KCNQ1: variants seen among roughly 807,000 people sequenced by gnomAD.
The protein encoded by KCNQ1 is potassium voltage-gated channel subfamily Q member 1, also known as potassium voltage-gated channel subfamily KQT member 1.
In KCNQ1, 49 loss-of-function variants were observed where a neutral mutation model predicts 72.4. That is an observed-to-expected ratio of 0.68 (90% CI 0.54 to 0.86). The LOEUF (loss-of-function observed/expected upper bound fraction) is 0.86, where lower values mean the gene tolerates loss of function less well. Ranked by LOEUF, KCNQ1 falls within the 40% of genes least tolerant of loss-of-function variation. The pLI, the probability that KCNQ1 is intolerant of heterozygous loss-of-function variation, is 0.00. For synonymous variants in KCNQ1, 450 were observed against 412.6 expected (o/e 1.09, Z -1.10); for missense variants, 790 against 945.1 (o/e 0.84, Z 2.15).
At chr11:2,588,000 T>C (rs1848618855) in intron 9 of KCNQ1, among the ~76,000 whole-genome samples, 1 of 151,964 alleles carries the variant, frequency 6.6e-6, no homozygotes, top group South Asian at 2.1e-4. Context: ...GGGTTGGGCT[T>C]TCCACACCGG....
At chr11:2,780,868 A>C (rs574299929) in intron 15 of KCNQ1, among the ~76,000 whole-genome samples, 1 of 152,230 alleles carries the variant, frequency 6.6e-6, no homozygotes, top group African/African-American at 2.4e-5. Context: ...GGGCTCGTCA[A>C]AACTCTTGCT....
intron 11 of KCNQ1, among the ~76,000 whole-genome samples, chr11:2,763,519 G>A (rs1846445705): frequency 6.6e-6 from 1 of 152,116 alleles, no homozygotes; most frequent in Non-Finnish European, 1.5e-5. Context: ...CAAGTTTATG[G>A]TTATTGATGC....
At chr11:2,743,271 G>A (rs1199478333) in intron 11 of KCNQ1, among the ~76,000 whole-genome samples, 1 of 152,094 alleles carries the variant, frequency 6.6e-6, no homozygotes, top group Non-Finnish European at 1.5e-5. Flanking sequence ...TCAAGGCCCT[G>A]TGCTCCTCCA....
Position 2,471,813 on chromosome 11 carries a change from T to C in KCNQ1, c.386+26329T>C, listed in dbSNP as rs750898136. On this transcript the variant is annotated intron_variant, in intron 1 of 15. Transcript: ENST00000155840. The surrounding 1 kb of genome is among the most constrained non-coding windows in gnomAD (Gnocchi z 4.8). Reference sequence around the variant, plus strand: ...GTGTGCATGTGTATATAGGTGTGTGTGCACGTGTATGGGTGCGTGTGCACC... The same window carrying C: ...GTGTGCATGTGTATATAGGTGTGTGCGCACGTGTATGGGTGCGTGTGCACC... 2.1e-4 allele frequency among the ~76,000 whole-genome samples: 32 copies of C among 152,048 alleles called. No individual in the cohort carries two copies. Among genetic ancestry groups the C allele is most frequent in the Admixed American group, 3.9e-4 (6 of 15,266 alleles).
rs1245778962 is a variant in KCNQ1, at chr11:2,652,909, T to G, written c.1394-9052T>G. On this transcript the variant is annotated intron_variant, in intron 10 of 15. Transcript: ENST00000155840. This position sits in a 1 kb window ranked among gnomAD's most constrained non-coding sequence, Gnocchi z 5.9. ...GTGTGGGGTGTGGTCCTCAGTATCC[T>G]AAACTTAGGTTTTGGAAAGCCCAGC... 5.0e-6 allele frequency: 2 copies of G among 398,572 alleles called. No homozygotes were observed. Among genetic ancestry groups the G allele is most frequent in the African/African-American group, 4.1e-5 (2 of 48,656 alleles). 24.7% of individuals were successfully genotyped at this position (398,572 alleles called of 1,614,324 possible).
chr11:2,649,776 C>T (rs1411024123), intron 10 of KCNQ1: 1 of 398,084 alleles, frequency 2.5e-6, no homozygotes, highest in Non-Finnish European at 4.4e-6. Context: ...TCAGAGAGGC[C>T]CTTTTAGGGT....
Position 2,579,482 on chromosome 11 carries a change from G to A in KCNQ1, c.922-3953G>A, listed in dbSNP as rs1045799955. On this transcript the variant is annotated intron_variant, in intron 6 of 15. Coordinates refer to ENST00000155840, the MANE Select transcript of KCNQ1 (RefSeq NM_000218.3). The surrounding 1 kb of genome is among the most constrained non-coding windows in gnomAD (Gnocchi z 6.0). ...TGTGGATCTGCATTCCAGGTGGTGGGCCATCAGGGACTAATCCCCAGCATG... is the reference window on the plus strand; with the variant it reads ...TGTGGATCTGCATTCCAGGTGGTGGACCATCAGGGACTAATCCCCAGCATG... Among the ~76,000 whole-genome samples the A allele has an allele frequency of 6.6e-6, 1 of 152,218 alleles. No individual in the cohort carries two copies. The highest frequency in any genetic ancestry group is 2.4e-5 in the African/African-American group (1 of 41,452).
intron 1 of KCNQ1, among the ~76,000 whole-genome samples, chr11:2,500,899 G>A (rs376781835): frequency 2.6e-5 from 4 of 151,934 alleles, no homozygotes; most frequent in African/African-American, 7.2e-5. Context: ...GGGAGGGAGG[G>A]AATTAGGAGA....
intron 8 of KCNQ1, 114 bp downstream of exon 8, chr11:2,585,421 C>A: frequency 1.0e-6 from 1 of 952,550 alleles, no homozygotes; most frequent in South Asian, 1.4e-5. Flanking sequence ...GCTTGGCTGG[C>A]CTGTGGGGCA....
chr11:2,661,762 A>G lies in KCNQ1; in HGVS notation c.1394-199A>G. The G allele has an allele frequency of 1.5e-6, 1 of 648,368 alleles. No individual in the cohort carries two copies. The highest frequency in any genetic ancestry group is 1.8e-5 in the South Asian group (1 of 56,724). The allele number at this position is 648,368 out of a possible 1,614,324, so 40.2% of individuals were successfully genotyped here. ...TCACTGGCCTTTATTCTCCTCAGACACTGAGGTGTCAGGCACTTTGGGGCC... is the reference window on the plus strand; with the variant it reads ...TCACTGGCCTTTATTCTCCTCAGACGCTGAGGTGTCAGGCACTTTGGGGCC... On this transcript the variant is annotated intron_variant, in intron 10 of 15. Coordinates refer to ENST00000155840, the MANE Select transcript of KCNQ1 (RefSeq NM_000218.3). This position sits in a 1 kb window ranked among gnomAD's most constrained non-coding sequence, Gnocchi z 5.9.
At chr11:2,829,398 G>T (rs1397368224) in intron 15 of KCNQ1, among the ~76,000 whole-genome samples, 2 of 152,180 alleles carry the variant, frequency 1.3e-5, no homozygotes, top group Non-Finnish European at 2.9e-5. Flanking sequence ...GTTCAAGAAT[G>T]AATTAGTGAC....
intron 10 of KCNQ1, chr11:2,609,020 T>C (rs1848930550): frequency 5.0e-6 from 2 of 398,362 alleles, no homozygotes; most frequent in Non-Finnish European, 4.4e-6. Flanking sequence ...TTTTATATTC[T>C]ATATTTTATT....
rs192633340 is a variant in KCNQ1, at chr11:2,562,363, A to C, written c.478-8265A>C. ...GACAAAGGGCGCTTTGAGCTGCCTG[A>C]GTGCCTGCATTGCCCTCCGGCCAGC... is the stretch of plus-strand genomic sequence containing the variant. On this transcript the variant is annotated intron_variant, in intron 2 of 15. Coordinates refer to ENST00000155840, the MANE Select transcript of KCNQ1 (RefSeq NM_000218.3). This position sits in a 1 kb window ranked among gnomAD's most constrained non-coding sequence, Gnocchi z 7.5. Among the ~76,000 whole-genome samples the C allele has an allele frequency of 7.5e-3, 1,141 of 152,188 alleles. 8 individuals carry two copies. The highest frequency in any genetic ancestry group is 0.012 in the Non-Finnish European group (842 of 67,960).
rs750211024 is a variant in KCNQ1, at chr11:2,781,995, G to A, written c.1794+3958G>A. On this transcript the variant is annotated intron_variant, in intron 15 of 15. Transcript: ENST00000155840. This position sits in a 1 kb window ranked among gnomAD's most constrained non-coding sequence, Gnocchi z 6.6. ...CATGCCTTTACCAAGCTTCGTGCATGACCCCAACCTCCAGGATGCAGGCAG... is the reference window on the plus strand; with the variant it reads ...CATGCCTTTACCAAGCTTCGTGCATAACCCCAACCTCCAGGATGCAGGCAG... Among the ~76,000 whole-genome samples the A allele has an allele frequency of 3.5e-4, 53 of 152,050 alleles. No individual in the cohort carries two copies. Among genetic ancestry groups the A allele is most frequent in the Admixed American group, 7.2e-4 (11 of 15,270 alleles).
At position 2,579,355 on chromosome 11, in the gene KCNQ1, G is replaced by A. The variant is rs1456627841; in HGVS notation, c.922-4080G>A. Among the ~76,000 whole-genome samples, 4 of 152,204 alleles carry A rather than the reference G, an allele frequency of 2.6e-5. No individual in the cohort carries two copies. Among genetic ancestry groups the A allele is most frequent in the African/African-American group, 7.2e-5 (3 of 41,440 alleles). On this transcript the variant is annotated intron_variant, in intron 6 of 15. Coordinates refer to ENST00000155840, the MANE Select transcript of KCNQ1 (RefSeq NM_000218.3). The surrounding 1 kb of genome is among the most constrained non-coding windows in gnomAD (Gnocchi z 6.0). Reference sequence around the variant, plus strand: ...GGGGAAACACACTGACCAGTGGGGTGTGCGTTCCCCGCTCGCCCCCACAGT... The same window carrying A: ...GGGGAAACACACTGACCAGTGGGGTATGCGTTCCCCGCTCGCCCCCACAGT...
intron 1 of KCNQ1, among the ~76,000 whole-genome samples, chr11:2,469,474 C>T (rs1225988229): frequency 2.6e-5 from 4 of 151,752 alleles, no homozygotes; most frequent in African/African-American, 9.7e-5. Flanking sequence ...GGTTTCACCA[C>T]GTTGGCCAGG....
rs1849176933 is a variant in KCNQ1, at chr11:2,621,808, T to C, written c.1393+32954T>C. On this transcript the variant is annotated intron_variant, in intron 10 of 15. Transcript: ENST00000155840. This position sits in a 1 kb window ranked among gnomAD's most constrained non-coding sequence, Gnocchi z 5.7. ...GATTTTATTTTTCAAAAATCAATTC[T>C]TTGTTTCAAAAATTGAAGTCTTAGT... 2 of 398,362 alleles carry C rather than the reference T, an allele frequency of 5.0e-6. No individual in the cohort carries two copies. Among genetic ancestry groups the C allele is most frequent in the East Asian group, 7.1e-5 (2 of 27,990 alleles). The allele number at this position is 398,362 out of a possible 1,614,324, so 24.7% of individuals were successfully genotyped here. A position where few individuals can be genotyped will look rare whatever the true frequency, so the allele number is the denominator to read the frequency against.
At position 2,652,333 on chromosome 11, in the gene KCNQ1, T is replaced by G. The variant is rs1022652770; in HGVS notation, c.1394-9628T>G. On this transcript the variant is annotated intron_variant, in intron 10 of 15. Transcript: ENST00000155840. The surrounding 1 kb of genome is among the most constrained non-coding windows in gnomAD (Gnocchi z 5.9). Reference sequence around the variant, plus strand: ...TTGATTATTGTGTGAAGTTAAGAACTGGCACATTTCCGCGATGTTGTGATG... The same window carrying G: ...TTGATTATTGTGTGAAGTTAAGAACGGGCACATTTCCGCGATGTTGTGATG... 2.5e-6 allele frequency: 1 copy of G among 398,562 alleles called. No individual in the cohort carries two copies. Among genetic ancestry groups the G allele is most frequent in the Non-Finnish European group, 4.4e-6 (1 of 226,078 alleles). 24.7% of individuals were successfully genotyped at this position (398,562 alleles called of 1,614,324 possible).
rs1846305422 is a variant in KCNQ1 at position 2,463,315 on chromosome 11, G to A, written c.386+17831G>A. ...TTCAGAAGTTCTCACTGGCCTGCAA[G>A]GTAGAGGCTGTTTTCTGCTGAGGAT... On this transcript the variant is annotated intron_variant, in intron 1 of 15. Coordinates refer to ENST00000155840, the MANE Select transcript of KCNQ1 (RefSeq NM_000218.3). This position sits in a 1 kb window ranked among gnomAD's most constrained non-coding sequence, Gnocchi z 7.0. Among the ~76,000 whole-genome samples, 2 of 152,218 alleles carry A rather than the reference G, an allele frequency of 1.3e-5. No individual in the cohort carries two copies. The highest frequency in any genetic ancestry group is 6.5e-5 in the Admixed American group (1 of 15,274).
Sources: allele counts gnomAD v4.1 joint callset (sites outside exome capture counted in the v4.1 genomes callset), GRCh38; gene constraint gnomAD v4.1.1; non-coding constraint Gnocchi (gnomAD v3.1); transcripts MANE v1.5; gene names NCBI Gene and HGNC (gene_info 2026-07-23, HGNC 2026-07-21).